GPR137C: variants seen among roughly 807,000 people sequenced by gnomAD.
GPR137C encodes integral membrane protein GPR137C.
A neutral mutation model predicts 43.4 loss-of-function variants in GPR137C; 27 were observed. That is an observed-to-expected ratio of 0.62 (90% CI 0.46 to 0.86). The LOEUF (loss-of-function observed/expected upper bound fraction) is 0.86, where lower values mean the gene tolerates loss of function less well. Among genes scored for constraint, GPR137C ranks in the 40% least tolerant of loss-of-function variants. GPR137C has a pLI of 0.00. For missense variants in GPR137C, 522 were observed against 534.6 expected (o/e 0.98, Z 0.23); for synonymous variants, 285 against 226.9 (o/e 1.26, Z -2.30).
intron 1 of GPR137C, among the ~76,000 whole-genome samples, chr14:52,567,682 CAG>C (rs2038393665): frequency 1.5e-5 from 2 of 135,568 alleles, no homozygotes; most frequent in Admixed American, 8.0e-5. Flanking sequence ...TTTTTTGAGA[CAG>C]AGAATCGCCC....
At chr14:52,571,796 A>G (rs2038474285) in intron 1 of GPR137C, among the ~76,000 whole-genome samples, 1 of 152,212 alleles carries the variant, frequency 6.6e-6, no homozygotes, top group Non-Finnish European at 1.5e-5. Context: ...CCTTCAAAAA[A>G]TCAATGATTC....
chr14:52,624,876 A>G (rs2039204018), intron 3 of GPR137C, among the ~76,000 whole-genome samples: 1 of 152,212 alleles, frequency 6.6e-6, no homozygotes, highest in South Asian at 2.1e-4. Context: ...TGCCAATGTT[A>G]TGAATGAAAG....
chr14:52,620,665 C>T (rs557081543), intron 3 of GPR137C, among the ~76,000 whole-genome samples: 16 of 150,552 alleles, frequency 1.1e-4, no homozygotes, highest in African/African-American at 3.4e-4. Flanking sequence ...TTATAATATG[C>T]TCAAGGGCTT....
intron 1 of GPR137C, among the ~76,000 whole-genome samples, chr14:52,580,417 C>T (rs957192451): frequency 2.0e-5 from 3 of 152,086 alleles, no homozygotes; most frequent in South Asian, 2.1e-4. Context: ...AGCTGGAGTT[C>T]GGTGGCACGA....
chr14:52,589,538 A>G (rs2038755452), intron 1 of GPR137C, among the ~76,000 whole-genome samples: 1 of 152,206 alleles, frequency 6.6e-6, no homozygotes, highest in Admixed American at 6.5e-5. Flanking sequence ...ATCCACTGTG[A>G]TAGTGGAGAT....
intron 3 of GPR137C, among the ~76,000 whole-genome samples, chr14:52,608,497 C>G (rs1304602392): frequency 6.6e-6 from 1 of 152,070 alleles, no homozygotes; most frequent in African/African-American, 2.4e-5. Flanking sequence ...ATACTTCTGT[C>G]TTTTAGTCTT....
At chr14:52,558,815 TAAAAA>T (rs1459874437) in intron 1 of GPR137C, among the ~76,000 whole-genome samples, 1 of 151,802 alleles carries the variant, frequency 6.6e-6, no homozygotes, top group African/African-American at 2.4e-5. Flanking sequence ...TAAACACAGT[TAAAAA>T]GAAATAAGTG....
intron 1 of GPR137C, among the ~76,000 whole-genome samples, chr14:52,585,248 C>T: frequency 6.6e-6 from 1 of 152,184 alleles, no homozygotes; most frequent in East Asian, 1.9e-4. Context: ...TGCAGACCTC[C>T]AAGTTTTTCT....
chr14:52,610,937 T>G (rs992907230), intron 3 of GPR137C, among the ~76,000 whole-genome samples: 1 of 152,210 alleles, frequency 6.6e-6, no homozygotes, highest in Non-Finnish European at 1.5e-5. Flanking sequence ...TATAATCTTT[T>G]AGGTGTGTAT....
intron 2 of GPR137C, among the ~76,000 whole-genome samples, chr14:52,599,290 G>A (rs1314534590): frequency 2.0e-5 from 3 of 152,144 alleles, no homozygotes; most frequent in Non-Finnish European, 4.4e-5. Context: ...TTAAGAACAT[G>A]AGGTATTAAT....
chr14:52,553,771 C>T (rs1455586516), intron 1 of GPR137C, among the ~76,000 whole-genome samples, 180 bp downstream of exon 1: 7 of 152,168 alleles, frequency 4.6e-5, no homozygotes, highest in African/African-American at 1.7e-4. Flanking sequence ...ACTTAAGTGG[C>T]TGATTGGCTT....
chr14:52,609,276 C>G (rs1471557351), intron 3 of GPR137C, among the ~76,000 whole-genome samples: 1 of 152,070 alleles, frequency 6.6e-6, no homozygotes, highest in African/African-American at 2.4e-5. Flanking sequence ...TTATTTCAAT[C>G]TCTATATTAA....
chr14:52,635,002 A>G lies in GPR137C; in HGVS notation c.1177A>G (p.Thr393Ala). 1 of 1,612,744 alleles carries G rather than the reference A, an allele frequency of 6.2e-7. No homozygotes were observed. The highest frequency in any genetic ancestry group is 8.5e-7 in the Non-Finnish European group (1 of 1,179,344). Residue 393 changes from threonine (T) to alanine (A), a missense_variant, in exon 7 of 7, where the codon ACA becomes GCA. By Grantham distance (58) the Thr-to-Ala change is moderately conservative. Transcript: ENST00000321662. ...TMTGCGSSSY[T>A]VTPHLNGPMT... ...GACTGGGTGTGGCAGCAGCAGTTAC[A>G]CAGTCACTCCCCACCTGAATGGACC...
At chr14:52,565,440 T>C (rs1481858597) in intron 1 of GPR137C, among the ~76,000 whole-genome samples, 4 of 152,204 alleles carry the variant, frequency 2.6e-5, no homozygotes, top group Admixed American at 2.6e-4. Context: ...TACGGTGTTC[T>C]AAGTCTGACC....
intron 1 of GPR137C, among the ~76,000 whole-genome samples, chr14:52,585,588 C>T (rs1357705491): frequency 6.6e-6 from 1 of 151,992 alleles, no homozygotes; most frequent in African/African-American, 2.4e-5. Context: ...AATCCCAGCA[C>T]TTTGGGAGGC....
intron 3 of GPR137C, among the ~76,000 whole-genome samples, chr14:52,617,621 G>A (rs2039113893): frequency 6.6e-6 from 1 of 152,158 alleles, no homozygotes; most frequent in South Asian, 2.1e-4. Context: ...GGAGTTTGCA[G>A]TGAGCCGAGA....
intron 1 of GPR137C, among the ~76,000 whole-genome samples, chr14:52,594,920 T>G (rs2038833030): frequency 6.6e-6 from 1 of 152,226 alleles, no homozygotes; most frequent in Non-Finnish European, 1.5e-5. Flanking sequence ...GCATTGATGA[T>G]CTGTATAATT....
intron 1 of GPR137C, among the ~76,000 whole-genome samples, chr14:52,583,362 A>C (rs554213847): frequency 6.6e-6 from 1 of 152,334 alleles, no homozygotes; most frequent in African/African-American, 2.4e-5. Flanking sequence ...ATTGTGTTTA[A>C]GCCTACTATA....
At chr14:52,630,605 T>G (rs2039283505) in intron 3 of GPR137C, among the ~76,000 whole-genome samples, 1 of 152,190 alleles carries the variant, frequency 6.6e-6, no homozygotes, top group African/African-American at 2.4e-5. Flanking sequence ...CCAGCATCTT[T>G]CAGGGTATCT....
Sources: allele counts gnomAD v4.1 joint callset (sites outside exome capture counted in the v4.1 genomes callset), GRCh38; gene constraint gnomAD v4.1.1; transcripts MANE v1.5; gene names NCBI Gene and HGNC (gene_info 2026-07-23, HGNC 2026-07-21).